Variants in HDAC9 observed in about 807,000 individuals in gnomAD.
HDAC9 encodes histone deacetylase 9, also known as MEF-2 interacting transcription repressor (MITR) protein.
A neutral mutation model predicts 139.4 loss-of-function variants in HDAC9; 41 were observed. The ratio of observed to expected loss-of-function variants is 0.29; its 90% CI spans 0.23 to 0.38. HDAC9 has a LOEUF of 0.38. Among genes scored for constraint, HDAC9 ranks in the 10% least tolerant of loss-of-function variants. The pLI is 1.00. For synonymous variants in HDAC9, 517 were observed against 476.2 expected, an observed-to-expected ratio of 1.09 and a Z score of -1.12; for missense variants, 1,147 against 1,297.0, an observed-to-expected ratio of 0.88 and a Z score of 1.78.
intron 19 of HDAC9, among the ~76,000 whole-genome samples, chr7:18,833,431 G>C (rs1229103389): frequency 5.3e-5 from 8 of 152,110 alleles, no homozygotes; most frequent in Non-Finnish European, 1.0e-4. Context: ...AACCAAATGT[G>C]TCTTAGAACT....
At chr7:18,682,074 T>G (rs1434654973) in intron 12 of HDAC9, among the ~76,000 whole-genome samples, 3 of 152,024 alleles carry the variant, frequency 2.0e-5, no homozygotes, top group Admixed American at 2.0e-4. Context: ...ACCTAAAAAT[T>G]TAAATTCTCT....
At chr7:18,606,564 T>G (rs1392442854) in intron 6 of HDAC9, among the ~76,000 whole-genome samples, 1 of 152,224 alleles carries the variant, frequency 6.6e-6, no homozygotes, top group Non-Finnish European at 1.5e-5. Flanking sequence ...TAAGGACTTT[T>G]TGTCGATTTT....
intron 16 of HDAC9, 89 bp downstream of exon 16, chr7:18,767,244 TTC>T: frequency 1.4e-6 from 1 of 710,506 alleles, no homozygotes; most frequent in Non-Finnish European, 2.2e-6. Context: ...TTAGGGTTAT[TTC>T]TCAGTAAAAG....
intron 12 of HDAC9, among the ~76,000 whole-genome samples, chr7:18,697,533 T>A (rs1442887245): frequency 6.6e-6 from 1 of 152,204 alleles, no homozygotes; most frequent in Non-Finnish European, 1.5e-5. Flanking sequence ...ACAGTAAATA[T>A]TTCTTCCTTT....
chr7:18,493,773 G>A (rs1217140011), upstream of HDAC9, among the ~76,000 whole-genome samples: 1 of 150,876 alleles, frequency 6.6e-6, no homozygotes, highest in Non-Finnish European at 1.5e-5. Flanking sequence ...TAAATGTTTT[G>A]TAGAATAAAA....
At chr7:18,607,880 TA>T (rs1363958522) in intron 6 of HDAC9, among the ~76,000 whole-genome samples, 1 of 152,160 alleles carries the variant, frequency 6.6e-6, no homozygotes, top group Non-Finnish European at 1.5e-5. Context: ...TATCTCAAAT[TA>T]ATCATAACTG....
intron 2 of HDAC9, among the ~76,000 whole-genome samples, chr7:18,222,542 G>A (rs147019960): frequency 2.6e-5 from 4 of 152,140 alleles, no homozygotes; most frequent in Admixed American, 1.3e-4. Context: ...AACAGTACTG[G>A]ACAGTATACA....
chr7:18,866,839 A>T (rs965967161), intron 21 of HDAC9, among the ~76,000 whole-genome samples: 1 of 152,182 alleles, frequency 6.6e-6, no homozygotes, highest in Non-Finnish European at 1.5e-5. Flanking sequence ...GGGGTGAGTC[A>T]TGGGAAATTA....
At chr7:18,850,892 A>G (rs1797238521) in intron 21 of HDAC9, among the ~76,000 whole-genome samples, 1 of 152,154 alleles carries the variant, frequency 6.6e-6, no homozygotes, top group Admixed American at 6.5e-5. Flanking sequence ...GCAACTCTGT[A>G]GGTTTTCTTT....
chr7:18,575,596 A>G (rs1825727772), intron 2 of HDAC9, among the ~76,000 whole-genome samples: 1 of 152,260 alleles, frequency 6.6e-6, no homozygotes, highest in Non-Finnish European at 1.5e-5. Context: ...AGGAAATGCA[A>G]AATGACACCT....
chr7:18,778,830 G>T (rs1791001737), intron 16 of HDAC9, among the ~76,000 whole-genome samples: 1 of 152,048 alleles, frequency 6.6e-6, no homozygotes, highest in Non-Finnish European at 1.5e-5. Context: ...AATAGCAAAA[G>T]GCAGATTTTT....
chr7:18,893,033 G>GAAAAAAAAAAAAA (rs71960483), intron 22 of HDAC9, among the ~76,000 whole-genome samples: 17 of 66,884 alleles, frequency 2.5e-4, no homozygotes, highest in Admixed American at 5.0e-4. Flanking sequence ...GTAATAGGCC[G>GAAAAAAAAAAAAA]AAAAAAAAAA....
chr7:18,343,713 T>G (rs1238047175), intron 1 of HDAC9, among the ~76,000 whole-genome samples: 2 of 151,962 alleles, frequency 1.3e-5, no homozygotes, highest in African/African-American at 4.8e-5. Flanking sequence ...TCTACTTTTC[T>G]TGGATTCAGT....
At position 18,852,214 on chromosome 7, in the gene HDAC9, G is replaced by T. The variant is rs971864247; in HGVS notation, c.2684+16217G>T. Among the ~76,000 whole-genome samples, 11 of 152,308 alleles carry T rather than the reference G, an allele frequency of 7.2e-5. No homozygotes were observed. In the East Asian group the frequency reaches 1.5e-3, roughly 21 times the overall value. Reference sequence around the variant, plus strand: ...GAGAAAAATGCAGAAGCATGTAACAGTCGGGGCTGGGAGTGAGAATCACTA... The same window carrying T: ...GAGAAAAATGCAGAAGCATGTAACATTCGGGGCTGGGAGTGAGAATCACTA... On this transcript the variant is annotated intron_variant, in intron 21 of 25. Coordinates refer to ENST00000686413, the MANE Select transcript of HDAC9 (RefSeq NM_178425.4).
chr7:18,588,771 G>C (rs1459568184), intron 3 of HDAC9, among the ~76,000 whole-genome samples: 1 of 152,128 alleles, frequency 6.6e-6, no homozygotes, highest in East Asian at 1.9e-4. Flanking sequence ...GGGGCTGGAA[G>C]GGTCTTTTTT....
At chr7:18,781,566 G>A (rs1299415209) in intron 16 of HDAC9, among the ~76,000 whole-genome samples, 1 of 151,898 alleles carries the variant, frequency 6.6e-6, no homozygotes, top group African/African-American at 2.4e-5. Flanking sequence ...GCTTTCTTTG[G>A]GCAATAGATT....
chr7:18,426,954 C>CA (rs1554412347), intron 1 of HDAC9, among the ~76,000 whole-genome samples: 54 of 151,472 alleles, frequency 3.6e-4, no homozygotes, highest in African/African-American at 1.2e-3. Context: ...TGTTTTCTTT[C>CA]TTTTTTTTTC....
At chr7:18,296,858 T>C (rs1364313460) in intron 1 of HDAC9, among the ~76,000 whole-genome samples, 1 of 152,082 alleles carries the variant, frequency 6.6e-6, no homozygotes, top group African/African-American at 2.4e-5. Context: ...TTAAACACAG[T>C]GTTAGAATGG....
chr7:18,724,717 C>G (rs1343921770), intron 12 of HDAC9, among the ~76,000 whole-genome samples: 1 of 152,136 alleles, frequency 6.6e-6, no homozygotes, highest in Non-Finnish European at 1.5e-5. Context: ...TATATGTGGT[C>G]TATCCTTGAC....
Sources: allele counts gnomAD v4.1 joint callset (sites outside exome capture counted in the v4.1 genomes callset), GRCh38; gene constraint gnomAD v4.1.1; transcripts MANE v1.5; gene names NCBI Gene and HGNC (gene_info 2026-07-23, HGNC 2026-07-21).